Variants in FRMPD4 observed in about 807,000 individuals in gnomAD.
FRMPD4 encodes FERM and PDZ domain containing 4.
A neutral mutation model predicts 94.1 loss-of-function variants in FRMPD4; 22 were observed. The observed-to-expected ratio is 0.23, with a 90% CI of 0.17 to 0.33. FRMPD4 has a LOEUF of 0.33. Ranked by LOEUF, FRMPD4 falls within the 10% of genes least tolerant of loss-of-function variation. The pLI, the probability that FRMPD4 is intolerant of heterozygous loss-of-function variation, is 1.00. For missense variants in FRMPD4, 1,111 were observed against 1,339.9 expected (o/e 0.83, Z 2.67); for synonymous variants, 631 against 548.6 (o/e 1.15, Z -2.10).
intron 1 of FRMPD4, among the ~76,000 whole-genome samples, chrX:12,150,096 A>G (rs2055826694): frequency 8.9e-6 from 1 of 112,787 alleles, no homozygotes; most frequent in African/African-American, 3.2e-5. Context: ...CTGGGAAACC[A>G]AAAAAATTAT....
At chrX:12,415,178 G>T (rs1371081063) in intron 1 of FRMPD4, among the ~76,000 whole-genome samples, 1 of 111,335 alleles carries the variant, frequency 9.0e-6, no homozygotes, top group Non-Finnish European at 1.9e-5. Context: ...TAACATTATT[G>T]ATTCTTAGTT....
At chrX:12,400,109 C>T (rs187728094) in intron 1 of FRMPD4, among the ~76,000 whole-genome samples, 1 of 112,167 alleles carries the variant, frequency 8.9e-6, no homozygotes, top group Non-Finnish European at 1.9e-5. Context: ...CGCAGGCATA[C>T]TACTTATATC....
chrX:12,578,707 A>T (rs1242640817), intron 2 of FRMPD4, among the ~76,000 whole-genome samples: 1 of 112,088 alleles, frequency 8.9e-6, no homozygotes, highest in Non-Finnish European at 1.9e-5. Flanking sequence ...AATATGCTGC[A>T]TATAAGTTTA....
intron 3 of FRMPD4, among the ~76,000 whole-genome samples, chrX:12,612,476 G>A (rs970773367): frequency 5.3e-5 from 6 of 112,349 alleles, no homozygotes; most frequent in South Asian, 3.7e-4. Flanking sequence ...ATTTCAGTGC[G>A]TGACTAGATT....
intron 2 of FRMPD4, among the ~76,000 whole-genome samples, chrX:12,521,026 C>A (rs1455815754): frequency 8.9e-6 from 1 of 112,351 alleles, no homozygotes; most frequent in Admixed American, 9.4e-5. Context: ...ATCATGAAAG[C>A]AACCAGAGAC....
intron 1 of FRMPD4, among the ~76,000 whole-genome samples, chrX:11,854,820 C>T (rs2053645072): frequency 8.9e-6 from 1 of 111,860 alleles, no homozygotes; most frequent in Non-Finnish European, 1.9e-5. Flanking sequence ...TTTCCAGGTG[C>T]ATGGTGCAAG....
chrX:11,926,768 G>T (rs903161063), intron 3 of FRMPD4, among the ~76,000 whole-genome samples: 1 of 111,277 alleles, frequency 9.0e-6, no homozygotes, highest in Non-Finnish European at 1.9e-5. Context: ...AATAATAACA[G>T]CCACGTAGGA....
intron 3 of FRMPD4, among the ~76,000 whole-genome samples, chrX:11,975,891 A>G (rs1484672077): frequency 8.9e-6 from 1 of 112,179 alleles, no homozygotes; most frequent in African/African-American, 3.2e-5. Context: ...TTGCTGAATT[A>G]TGTGTAATGC....
intron 8 of FRMPD4, among the ~76,000 whole-genome samples, chrX:12,693,228 C>T (rs1021319218): frequency 8.9e-6 from 1 of 112,262 alleles, no homozygotes; most frequent in Non-Finnish European, 1.9e-5. Flanking sequence ...GAGTATTACA[C>T]ACAACTGTGT....
chrX:12,032,582 G>T (rs1414787034), intron 3 of FRMPD4, among the ~76,000 whole-genome samples: 1 of 111,798 alleles, frequency 8.9e-6, no homozygotes, highest in Non-Finnish European at 1.9e-5. Context: ...TTAGGAACTG[G>T]AACATGTTTG....
At chrX:12,218,525 T>C (rs894275056) in intron 1 of FRMPD4, among the ~76,000 whole-genome samples, 13 of 112,411 alleles carry the variant, frequency 1.2e-4, no homozygotes, top group African/African-American at 4.2e-4. Flanking sequence ...ATATCATCCA[T>C]AATCAAAATT....
At chrX:11,913,749 T>C (rs865919180) in intron 3 of FRMPD4, among the ~76,000 whole-genome samples, 1 of 112,337 alleles carries the variant, frequency 8.9e-6, no homozygotes, top group Non-Finnish European at 1.9e-5. Flanking sequence ...AGATAAAATC[T>C]GATTTTGTTT....
At chrX:11,931,623 G>A (rs770045359) in intron 3 of FRMPD4, among the ~76,000 whole-genome samples, 4 of 112,147 alleles carry the variant, frequency 3.6e-5, no homozygotes, top group Non-Finnish European at 7.5e-5. Flanking sequence ...TCCGAAATTG[G>A]GACAGACTTA....
intron 8 of FRMPD4, among the ~76,000 whole-genome samples, chrX:12,692,390 G>A (rs2060088119): frequency 1.8e-5 from 2 of 112,025 alleles, no homozygotes; most frequent in South Asian, 3.7e-4. Flanking sequence ...TGAAAAAATC[G>A]ATTGCTAAAA....
chrX:12,040,504 AT>A (rs2054747591), intron 3 of FRMPD4, among the ~76,000 whole-genome samples: 1 of 86,704 alleles, frequency 1.2e-5, no homozygotes, highest in Non-Finnish European at 2.3e-5. Flanking sequence ...TATAGATTTT[AT>A]TCCTTTTATT....
intron 11 of FRMPD4, among the ~76,000 whole-genome samples, chrX:12,705,007 C>T (rs909265327): frequency 6.3e-5 from 7 of 111,564 alleles, no homozygotes; most frequent in Non-Finnish European, 1.3e-4. Flanking sequence ...CACCCCTGGT[C>T]TCTACCCACA....
At chrX:12,417,535 C>T (rs1331680417) in intron 1 of FRMPD4, among the ~76,000 whole-genome samples, 1 of 99,706 alleles carries the variant, frequency 1.0e-5, no homozygotes, top group Non-Finnish European at 2.0e-5. Context: ...GCCAAGATTG[C>T]GCCATCATAC....
intron 1 of FRMPD4, among the ~76,000 whole-genome samples, chrX:12,421,604 A>G (rs1324754564): frequency 1.8e-5 from 2 of 109,628 alleles, no homozygotes; most frequent in East Asian, 5.7e-4. Context: ...CACAAAGTAT[A>G]AAAAATTAGC....
chrX:12,327,937 G>A (rs2055313368), intron 1 of FRMPD4, among the ~76,000 whole-genome samples: 1 of 111,542 alleles, frequency 9.0e-6, no homozygotes, highest in Non-Finnish European at 1.9e-5. Context: ...GTGACTTTTT[G>A]GCTCCTCCCA....
Sources: gnomAD v4.1 joint callset for allele counts (sites outside exome capture counted in the v4.1 genomes callset) on GRCh38, gnomAD v4.1.1 for gene constraint, MANE v1.5 for transcripts, NCBI Gene and HGNC (gene_info 2026-07-23, HGNC 2026-07-21) for gene names.